TENM2: variants seen among roughly 807,000 people sequenced by gnomAD.
The protein encoded by TENM2 is teneurin transmembrane protein 2.
A neutral mutation model predicts 245.2 loss-of-function variants in TENM2; 52 were observed. The observed-to-expected ratio is 0.21, with a 90% CI of 0.17 to 0.27. TENM2 has a LOEUF of 0.27. Among genes scored for constraint, TENM2 ranks in the 10% least tolerant of loss-of-function variants. TENM2 has a pLI of 1.00. For missense variants in TENM2, 3,046 were observed against 3,666.8 expected, an observed-to-expected ratio of 0.83 and a Z score of 4.37; for synonymous variants, 1,363 against 1,438.9, an observed-to-expected ratio of 0.95 and a Z score of 1.19.
At chr5:167,080,206 A>G in the TENM2 span, among the ~76,000 whole-genome samples, 1 of 152,178 alleles carries the variant, frequency 6.6e-6, no homozygotes, top group East Asian at 1.9e-4. Context: ...TGATTAAGTA[A>G]CATGTTTTTA....
intron 2 of TENM2, among the ~76,000 whole-genome samples, chr5:167,471,854 G>A (rs1171054428): frequency 2.0e-5 from 3 of 152,190 alleles, no homozygotes; most frequent in Non-Finnish European, 4.4e-5. Flanking sequence ...AGTGGAAAAA[G>A]AACTAGATTA....
intron 2 of TENM2, among the ~76,000 whole-genome samples, chr5:167,816,558 C>T (rs1006006377): frequency 2.6e-5 from 4 of 152,166 alleles, no homozygotes; most frequent in Non-Finnish European, 5.9e-5. Flanking sequence ...GGCAGTTCCT[C>T]GGGTTGCTGT....
intron 13 of TENM2, among the ~76,000 whole-genome samples, chr5:168,177,518 T>C (rs929582950): frequency 6.6e-6 from 1 of 151,882 alleles, no homozygotes; most frequent in Non-Finnish European, 1.5e-5. Flanking sequence ...TAATTCCTAT[T>C]ATCTACACCA....
At chr5:167,290,570 T>G (rs976595806) in intron 1 of TENM2, among the ~76,000 whole-genome samples, 9 of 152,312 alleles carry the variant, frequency 5.9e-5, no homozygotes, top group Admixed American at 5.2e-4. Context: ...ATTCTGACAT[T>G]TTCAAACTCA....
intron 13 of TENM2, among the ~76,000 whole-genome samples, chr5:168,167,486 A>G (rs1000857108): frequency 4.6e-5 from 7 of 152,148 alleles, no homozygotes; most frequent in African/African-American, 9.7e-5. Flanking sequence ...GCTTTCTCCC[A>G]TCTGTGGGCA....
intron 6 of TENM2, among the ~76,000 whole-genome samples, chr5:168,052,440 GTA>G (rs556422610): frequency 2.4e-3 from 360 of 149,846 alleles, no homozygotes; most frequent in African/African-American, 7.4e-3. Flanking sequence ...GTATGTATGT[GTA>G]TATATATATA....
chr5:167,928,831 G>C (rs1245965329), intron 3 of TENM2, among the ~76,000 whole-genome samples: 1 of 147,050 alleles, frequency 6.8e-6, no homozygotes, highest in East Asian at 2.0e-4. Context: ...AGGAGGCAGA[G>C]GTTGCAGTGA....
At chr5:167,668,804 A>G (rs187230871) in intron 2 of TENM2, among the ~76,000 whole-genome samples, 1 of 152,078 alleles carries the variant, frequency 6.6e-6, no homozygotes, top group Admixed American at 6.6e-5. Flanking sequence ...AAATACAAAA[A>G]TTAGCTGGGT....
the TENM2 span, among the ~76,000 whole-genome samples, chr5:167,034,076 C>T: frequency 3.3e-5 from 5 of 152,172 alleles, no homozygotes; most frequent in Non-Finnish European, 7.3e-5. Context: ...ACCCATCTTT[C>T]TGACCATAAA....
intron 2 of TENM2, among the ~76,000 whole-genome samples, chr5:167,850,944 A>G (rs932653662): frequency 3.3e-5 from 5 of 152,238 alleles, no homozygotes; most frequent in African/African-American, 1.2e-4. Flanking sequence ...TCTCATGTTC[A>G]TTCACGAAGC....
At chr5:167,705,045 G>C (rs1164076981) in intron 2 of TENM2, among the ~76,000 whole-genome samples, 2 of 152,138 alleles carry the variant, frequency 1.3e-5, no homozygotes, top group Admixed American at 6.5e-5. Flanking sequence ...GTGTTGCTTT[G>C]AGTTTGCAGG....
chr5:167,572,434 G>A (rs1015907637), intron 2 of TENM2, among the ~76,000 whole-genome samples: 1 of 152,114 alleles, frequency 6.6e-6, no homozygotes, highest in African/African-American at 2.4e-5. Flanking sequence ...TTATAAGTAG[G>A]GCACATAGAA....
At chr5:167,170,262 A>G in the TENM2 span, among the ~76,000 whole-genome samples, 3 of 152,220 alleles carry the variant, frequency 2.0e-5, no homozygotes, top group Non-Finnish European at 2.9e-5. Context: ...TGTTACCTCT[A>G]TTCTAACCTA....
chr5:167,929,893 G>T (rs1778148618), intron 3 of TENM2, among the ~76,000 whole-genome samples: 1 of 152,208 alleles, frequency 6.6e-6, no homozygotes. Flanking sequence ...TGCAAGATAA[G>T]AGTTGTTGTG....
intron 3 of TENM2, among the ~76,000 whole-genome samples, chr5:167,907,545 A>ATATATG (rs2151554269): frequency 2.2e-5 from 2 of 89,302 alleles, no homozygotes; most frequent in South Asian, 3.9e-4. Context: ...ATATATATAT[A>ATATATG]TATATATATA....
the TENM2 span, among the ~76,000 whole-genome samples, chr5:167,024,575 CA>C: frequency 2.6e-5 from 4 of 152,010 alleles, no homozygotes; most frequent in African/African-American, 9.7e-5. Context: ...GGTTGGGAGA[CA>C]GGGGTAGCAG....
chr5:167,807,607 A>C (rs1766306702), intron 2 of TENM2, among the ~76,000 whole-genome samples: 1 of 125,518 alleles, frequency 8.0e-6, no homozygotes, highest in African/African-American at 3.1e-5. Flanking sequence ...AAAGTGACTT[A>C]ATAAATGCAT....
chr5:166,995,072 A>T, the TENM2 span, among the ~76,000 whole-genome samples: 4 of 152,120 alleles, frequency 2.6e-5, no homozygotes, highest in Admixed American at 6.6e-5. Flanking sequence ...ATTCTTGCAC[A>T]AGTGTCAGAG....
intron 5 of TENM2, among the ~76,000 whole-genome samples, chr5:168,018,276 G>C (rs1281831356): frequency 1.3e-5 from 2 of 151,082 alleles, no homozygotes; most frequent in African/African-American, 4.9e-5. Context: ...TACATAATTT[G>C]CCTTTTCATT....
Sources: allele counts gnomAD v4.1 joint callset (sites outside exome capture counted in the v4.1 genomes callset), GRCh38; gene constraint gnomAD v4.1.1; transcripts MANE v1.5; gene names NCBI Gene and HGNC (gene_info 2026-07-23, HGNC 2026-07-21).